Variants in CLDN16 observed in about 807,000 individuals in gnomAD.
CLDN16 encodes claudin 16.
CLDN16 carries 13 observed loss-of-function variants against 24.6 expected under a neutral mutation model. That is an observed-to-expected ratio of 0.53 (90% CI 0.34 to 0.84). The LOEUF (loss-of-function observed/expected upper bound fraction) is 0.84, where lower values mean the gene tolerates loss of function less well. Among genes scored for constraint, CLDN16 ranks in the 40% least tolerant of loss-of-function variants. The pLI is 0.01. For synonymous variants in CLDN16, 116 were observed against 106.7 expected (o/e 1.09, Z -0.54); for missense variants, 298 against 292.7 (o/e 1.02, Z -0.13).
chr3:190,323,468 T>A (rs969253393), intron 1 of CLDN16, among the ~76,000 whole-genome samples: 1 of 152,180 alleles, frequency 6.6e-6, no homozygotes, highest in African/African-American at 2.4e-5. Context: ...TCTATGTTTC[T>A]CCAAAGCTTC....
intron 1 of CLDN16, among the ~76,000 whole-genome samples, chr3:190,361,422 A>G (rs944406277): frequency 3.3e-5 from 5 of 151,990 alleles, no homozygotes; most frequent in Non-Finnish European, 7.4e-5. Flanking sequence ...TAACCAAAGA[A>G]AGGAATTTAG....
rs139846352 is a variant in CLDN16 at position 190,409,954 on chromosome 3, C to A, written c.626C>A (p.Ala209Asp). The A allele has an allele frequency of 2.5e-3, 4,026 of 1,613,942 alleles. 17 individuals are homozygous for A. Among genetic ancestry groups the A allele is most frequent in the Non-Finnish European group, 2.2e-3 (2,623 of 1,179,882 alleles). Residue 209 changes from alanine (A) to aspartate (D), a missense_variant, in exon 5 of 5, where the codon GCC becomes GAC. Physicochemically the swap from Ala to Asp is moderately radical, Grantham distance 126. Coordinates refer to ENST00000264734, the MANE Select transcript of CLDN16 (RefSeq NM_006580.4). Reference sequence around the variant, plus strand: ...TATTCCTTGAGGAAAGCCTATTCAGCCGCGGGTGTTTCCATGGCCAAGTCA... The same window carrying A: ...TATTCCTTGAGGAAAGCCTATTCAGACGCGGGTGTTTCCATGGCCAAGTCA... ...YPYSLRKAYS[A>D]AGVSMAKSYS...
chr3:190,363,556 G>GTGTGTGTGTGTGTGTGTA (rs1301414615), intron 1 of CLDN16, among the ~76,000 whole-genome samples: 1 of 87,430 alleles, frequency 1.1e-5, no homozygotes, highest in African/African-American at 4.7e-5. Flanking sequence ...GTGTGTGTGT[G>GTGTGTGTGTGTGTGTGTA]TATATATATA....
chr3:190,338,900 C>T (rs978138261), intron 1 of CLDN16, among the ~76,000 whole-genome samples: 4 of 152,066 alleles, frequency 2.6e-5, no homozygotes, highest in East Asian at 3.9e-4. Flanking sequence ...ACACTCATAC[C>T]CCTGCAGGTC....
chr3:190,292,584 C>T, the CLDN16 span, among the ~76,000 whole-genome samples: 1 of 152,318 alleles, frequency 6.6e-6, no homozygotes, highest in South Asian at 2.1e-4. Context: ...TTGAATTTCT[C>T]CCCAGAAATG....
At chr3:190,347,683 T>A (rs1265522179) in intron 1 of CLDN16, among the ~76,000 whole-genome samples, 1 of 152,226 alleles carries the variant, frequency 6.6e-6, no homozygotes, top group Non-Finnish European at 1.5e-5. Flanking sequence ...CAACTAGGCA[T>A]GTCTGCTGTG....
Position 190,408,525 on chromosome 3 carries a change from G to A in CLDN16, c.574+20G>A. ...TTAAAGGTAAGAATAAAATAAAATA[G>A]CAAATTTCCTTGCCTCCACTATCGT... is the stretch of plus-strand genomic sequence containing the variant. On this transcript the variant is annotated intron_variant, in intron 4 of 4. Coordinates refer to ENST00000264734, the MANE Select transcript of CLDN16 (RefSeq NM_006580.4). The A allele has an allele frequency of 6.2e-7, 1 of 1,608,010 alleles. No homozygotes were observed. The highest frequency in any genetic ancestry group is 8.5e-7 in the Non-Finnish European group (1 of 1,174,878).
At chr3:190,316,111 C>T in the CLDN16 span, among the ~76,000 whole-genome samples, 1 of 152,168 alleles carries the variant, frequency 6.6e-6, no homozygotes, top group Admixed American at 6.5e-5. Context: ...AGAAACCTAT[C>T]AGGTTTCATT....
chr3:190,331,050 T>C (rs746794503), intron 1 of CLDN16, among the ~76,000 whole-genome samples: 1 of 152,154 alleles, frequency 6.6e-6, no homozygotes, highest in African/African-American at 2.4e-5. Flanking sequence ...AGTGCAACAT[T>C]GCAAAAGTCC....
At chr3:190,311,749 G>GAT in the CLDN16 span, among the ~76,000 whole-genome samples, 491 of 150,978 alleles carry the variant, frequency 3.3e-3, 4 homozygotes, top group Non-Finnish European at 5.6e-3. Flanking sequence ...TAGATATAAA[G>GAT]ATATATATAT....
rs925599595 is a variant in CLDN16, at chr3:190,412,080, A to C, written c.*2044A>C. 9 of 152,252 alleles carry C rather than the reference A, an allele frequency of 5.9e-5. No individual in the cohort carries two copies. In the East Asian group the frequency reaches 1.7e-3, roughly 29 times the overall value. The allele number at this position is 152,252 out of a possible 1,614,324, so 9.4% of individuals were successfully genotyped here. A position where few individuals can be genotyped will look rare whatever the true frequency, so the allele number is the denominator to read the frequency against. ...GAAAATATTTCAGAGAACCATGATG[A>C]TAATGGATATGTGTGACTGTTTTGA... On this transcript the variant is annotated 3_prime_UTR_variant, in exon 5 of 5. Coordinates refer to ENST00000264734, the MANE Select transcript of CLDN16 (RefSeq NM_006580.4).
At chr3:190,360,961 CGTT>C (rs1422568211) in intron 1 of CLDN16, among the ~76,000 whole-genome samples, 1 of 151,882 alleles carries the variant, frequency 6.6e-6, no homozygotes, top group East Asian at 1.9e-4. Context: ...CTCCATAATA[CGTT>C]GTTATTGTAC....
chr3:190,335,708 CAA>C (rs34082811), intron 1 of CLDN16, among the ~76,000 whole-genome samples: 14 of 60,124 alleles, frequency 2.3e-4, no homozygotes, highest in Admixed American at 2.3e-4. Context: ...AAGACTCCAT[CAA>C]AAAAAAAAAA....
intron 1 of CLDN16, among the ~76,000 whole-genome samples, chr3:190,326,257 C>T (rs113390545): frequency 0.031 from 4,771 of 152,292 alleles, 115 homozygotes; most frequent in South Asian, 0.081. Flanking sequence ...AGATCAGATA[C>T]GTTCCATTTC....
At chr3:190,313,613 A>T in the CLDN16 span, among the ~76,000 whole-genome samples, 1 of 152,212 alleles carries the variant, frequency 6.6e-6, no homozygotes, top group Non-Finnish European at 1.5e-5. Flanking sequence ...AGGAGTGGGG[A>T]AGAATATAGA....
At chr3:190,390,255 G>T (rs1288172272) in intron 1 of CLDN16, among the ~76,000 whole-genome samples, 3 of 152,090 alleles carry the variant, frequency 2.0e-5, no homozygotes, top group Non-Finnish European at 4.4e-5. Context: ...TAAAGGAAGA[G>T]GCTGGGCATG....
chr3:190,373,302 C>T (rs1718180586), intron 2 of CLDN16, among the ~76,000 whole-genome samples: 1 of 151,956 alleles, frequency 6.6e-6, no homozygotes, highest in Admixed American at 6.6e-5. Flanking sequence ...CCTCATTCAT[C>T]CTCAGGGAGT....
chr3:190,296,422 AG>A, the CLDN16 span, among the ~76,000 whole-genome samples: 1 of 152,220 alleles, frequency 6.6e-6, no homozygotes, highest in Non-Finnish European at 1.5e-5. Context: ...CGAAAAAAGC[AG>A]TAAGTTTAAG....
In CLDN16 at chr3:190,339,851, G is replaced by T. The variant is rs545184251; in HGVS notation, n.121+17190G>T. On this transcript the variant is annotated intron_variant and non_coding_transcript_variant, in intron 1 of 4. Transcript: ENST00000468220. ...TATTATACTAGAATTATAAGCAAAA[G>T]GGTGTGAAATCAAGAAAAACTATAG... is the stretch of plus-strand genomic sequence containing the variant. Among the ~76,000 whole-genome samples, 52 of 152,232 alleles carry T rather than the reference G, an allele frequency of 3.4e-4. 1 individual carries two copies. The highest frequency in any genetic ancestry group is 1.2e-3 in the African/African-American group (50 of 41,544).
Sources: allele counts gnomAD v4.1 joint callset (sites outside exome capture counted in the v4.1 genomes callset), GRCh38; gene constraint gnomAD v4.1.1; transcripts MANE v1.5; gene names NCBI Gene and HGNC (gene_info 2026-07-23, HGNC 2026-07-21).